Variants in KALRN observed in about 807,000 individuals in gnomAD.
KALRN encodes kalirin.
KALRN carries 70 observed loss-of-function variants against 353.7 expected under a neutral mutation model. That is an observed-to-expected ratio of 0.20 (90% CI 0.16 to 0.24). The LOEUF (loss-of-function observed/expected upper bound fraction) is 0.24. Ranked by LOEUF, KALRN falls within the 10% of genes least tolerant of loss-of-function variation. The pLI, the probability that KALRN is intolerant of heterozygous loss-of-function variation, is 1.00. For synonymous variants in KALRN, 1,391 were observed against 1,434.8 expected (o/e 0.97, Z 0.69); for missense variants, 2,791 against 3,756.7 (o/e 0.74, Z 6.72).
At chr3:124,432,062 A>G (rs1263656441) in intron 16 of KALRN, among the ~76,000 whole-genome samples, 1 of 152,222 alleles carries the variant, frequency 6.6e-6, no homozygotes, top group African/African-American at 2.4e-5. Context: ...ACACTGAAAT[A>G]TCACAGTGTT....
At chr3:124,217,642 T>C (rs1232421240) in intron 1 of KALRN, among the ~76,000 whole-genome samples, 1 of 152,188 alleles carries the variant, frequency 6.6e-6, no homozygotes, top group Non-Finnish European at 1.5e-5. Context: ...CATCTCTGCC[T>C]CTTTCTCTTT....
chr3:124,188,217 C>T (rs567546986), intron 1 of KALRN, among the ~76,000 whole-genome samples: 94 of 152,148 alleles, frequency 6.2e-4, no homozygotes, highest in Non-Finnish European at 8.5e-4. Context: ...TAGGCCTCAC[C>T]ACCAGAGACT....
At chr3:124,682,521 G>T (rs1262882867) in intron 51 of KALRN, among the ~76,000 whole-genome samples, 1 of 152,152 alleles carries the variant, frequency 6.6e-6, no homozygotes, top group Non-Finnish European at 1.5e-5. Context: ...GTTGATCCCA[G>T]CCCTAGCTGT....
chr3:124,399,128 C>CGTTTT (rs111243510), intron 13 of KALRN, among the ~76,000 whole-genome samples: 22,158 of 151,312 alleles, frequency 0.15, 1,635 homozygotes, highest in Admixed American at 0.18. Context: ...TGTTTTTGTT[C>CGTTTT]GTTTTGTTTT....
chr3:124,532,924 C>G (rs2068169313), intron 33 of KALRN, among the ~76,000 whole-genome samples: 1 of 148,938 alleles, frequency 6.7e-6, no homozygotes, highest in South Asian at 2.1e-4. Context: ...ACCAATAATT[C>G]CATGACTTTT....
At chr3:124,542,518 G>A (rs76210947) in intron 33 of KALRN, among the ~76,000 whole-genome samples, 3,234 of 152,134 alleles carry the variant, frequency 0.021, 123 homozygotes, top group African/African-American at 0.073. Flanking sequence ...GTCACTTTCC[G>A]GCACAAAGCT....
At chr3:124,538,221 G>A (rs1429313487) in intron 33 of KALRN, among the ~76,000 whole-genome samples, 1 of 151,906 alleles carries the variant, frequency 6.6e-6, no homozygotes, top group Admixed American at 6.6e-5. Context: ...CAAAGAAGGT[G>A]ATATTGAAGA....
At chr3:124,107,569 C>T (rs897489824) in intron 1 of KALRN, among the ~76,000 whole-genome samples, 10 of 152,220 alleles carry the variant, frequency 6.6e-5, no homozygotes, top group Non-Finnish European at 1.0e-4. Flanking sequence ...TAACTCCCTT[C>T]TCCTTAACTG....
At chr3:124,157,668 T>C (rs1316676118) in intron 1 of KALRN, among the ~76,000 whole-genome samples, 3 of 152,198 alleles carry the variant, frequency 2.0e-5, no homozygotes, top group Admixed American at 6.5e-5. Flanking sequence ...GTAGAAGTTA[T>C]GTCTTTCAAG....
chr3:124,455,426 C>T (rs1242446048), intron 22 of KALRN, 67 bp downstream of exon 22: 9 of 1,446,966 alleles, frequency 6.2e-6, no homozygotes, highest in African/African-American at 1.4e-5. Flanking sequence ...CTGCCCTCAT[C>T]GCCATGGAAG....
chr3:124,596,400 G>A (rs562640328), intron 34 of KALRN, among the ~76,000 whole-genome samples: 1 of 152,270 alleles, frequency 6.6e-6, no homozygotes, highest in South Asian at 2.1e-4. Context: ...CCAAGAGGTG[G>A]AGGTTGCAGT....
chr3:124,422,752 G>A (rs2150363717), intron 14 of KALRN, 60 bp from the exon 15 acceptor site: 1 of 1,391,110 alleles, frequency 7.2e-7, no homozygotes, highest in Non-Finnish European at 1.0e-6. Context: ...GCATATTGAA[G>A]GGAATGTAGC....
intron 43 of KALRN, among the ~76,000 whole-genome samples, 191 bp from the exon 44 acceptor site, chr3:124,660,732 G>A (rs1044046201): frequency 3.3e-5 from 5 of 150,550 alleles, no homozygotes; most frequent in Non-Finnish European, 5.9e-5. Context: ...TGAATATTCT[G>A]GGAGTTCTCT....
chr3:124,595,052 T>G (rs984101019), intron 34 of KALRN, among the ~76,000 whole-genome samples: 1 of 152,074 alleles, frequency 6.6e-6, no homozygotes, highest in Non-Finnish European at 1.5e-5. Flanking sequence ...AAGAGAACCT[T>G]GATTTTTTTT....
chr3:124,291,957 C>T (rs187211852), intron 5 of KALRN, among the ~76,000 whole-genome samples: 88 of 152,290 alleles, frequency 5.8e-4, no homozygotes, highest in Non-Finnish European at 1.1e-3. Context: ...TGTAGATGTC[C>T]GTGTAATGAT....
intron 43 of KALRN, among the ~76,000 whole-genome samples, chr3:124,660,602 A>C (rs2084722062): frequency 6.7e-6 from 1 of 150,026 alleles, no homozygotes; most frequent in Admixed American, 6.7e-5. Context: ...AATCGCTTGA[A>C]CCTAGGAGGC....
intron 51 of KALRN, among the ~76,000 whole-genome samples, chr3:124,692,656 A>C (rs1388909379): frequency 1.3e-5 from 2 of 152,246 alleles, no homozygotes; most frequent in African/African-American, 4.8e-5. Context: ...GATCATCTTT[A>C]TTTAAATAGG....
intron 1 of KALRN, among the ~76,000 whole-genome samples, chr3:124,133,593 C>T (rs1414775959): frequency 6.6e-6 from 1 of 152,218 alleles, no homozygotes; most frequent in African/African-American, 2.4e-5. Context: ...CAGACCCACT[C>T]CTGTGCCTTA....
chr3:124,591,942 A>G (rs1021519886), intron 34 of KALRN, among the ~76,000 whole-genome samples: 4 of 152,218 alleles, frequency 2.6e-5, no homozygotes, highest in Admixed American at 6.5e-5. Flanking sequence ...AGACCAATAA[A>G]AAACCACATA....
Sources: allele counts gnomAD v4.1 joint callset (sites outside exome capture counted in the v4.1 genomes callset), GRCh38; gene constraint gnomAD v4.1.1; transcripts MANE v1.5; gene names NCBI Gene and HGNC (gene_info 2026-07-23, HGNC 2026-07-21).